Variants in ZNF625 observed in about 807,000 individuals in gnomAD.
The protein encoded by ZNF625 is zinc finger protein 625.
ZNF625 carries 8 observed loss-of-function variants against 11.1 expected under a neutral mutation model. The ratio of observed to expected loss-of-function variants is 0.72; its 90% CI spans 0.42 to 1.30. The LOEUF (loss-of-function observed/expected upper bound fraction) is 1.30. Ranked by LOEUF, ZNF625 falls within the 50% of genes most tolerant of loss-of-function variation. The probability of loss-of-function intolerance (pLI) is 0.01; values close to 1 mark genes in which losing one functional copy is unlikely to be tolerated. For synonymous variants in ZNF625, 145 were observed against 153.4 expected (o/e 0.95, Z 0.41); for missense variants, 349 against 447.6 (o/e 0.78, Z 1.99).
rs1420668974 is a variant in ZNF625 at position 12,145,638 on chromosome 19, T to A, written c.778A>T (p.Thr260Ser). The change falls in exon 4 of 4, where the codon ACA (threonine) becomes TCA (serine). Residue 260 changes from threonine to serine, a missense_variant. Coordinates refer to ENST00000439556, the MANE Select transcript of ZNF625 (RefSeq NM_145233.4). ...GTTATTTTATGTGCATGGAGGCATG[T>A]GGAACTATGGAATGCTTTCCCACAC... ...SECGKAFHSS[T>S]CLHAHKITHT... 6.2e-7 allele frequency: 1 copy of A among 1,613,652 alleles called. No individual in the cohort carries two copies. The highest frequency in any genetic ancestry group is 8.5e-7 in the Non-Finnish European group (1 of 1,179,952).
rs1408040629 is a variant in ZNF625, at chr19:12,145,063, G to A, written c.*234C>T. The A allele has an allele frequency of 1.3e-5, 7 of 527,752 alleles. No individual in the cohort carries two copies. The highest frequency in any genetic ancestry group is 2.0e-5 in the Non-Finnish European group (6 of 298,928). 32.7% of individuals were successfully genotyped at this position (527,752 alleles called of 1,614,324 possible). On this transcript the variant is annotated 3_prime_UTR_variant, in exon 4 of 4. Coordinates refer to ENST00000439556, the MANE Select transcript of ZNF625 (RefSeq NM_145233.4). ...GAACTGTCTTAAGGTCTTACTGGAG[G>A]TGTGTCTCTCTTAAGAGTTATTTCC...
chr19:12,150,876 A>G (rs1976944990), intron 1 of ZNF625, among the ~76,000 whole-genome samples: 1 of 151,660 alleles, frequency 6.6e-6, no homozygotes, highest in African/African-American at 2.4e-5. Context: ...GAGATGGGGG[A>G]CTGTGGATAC....
chr19:12,147,904 C>G, intron 1 of ZNF625, 102 bp from the exon 2 acceptor site: 1 of 1,399,106 alleles, frequency 7.1e-7, no homozygotes, highest in Non-Finnish European at 9.6e-7. Context: ...GGACTCCAAA[C>G]ATTTATTCCA....
At chr19:12,151,032 C>T (rs1976946684) in intron 1 of ZNF625, among the ~76,000 whole-genome samples, 1 of 151,948 alleles carries the variant, frequency 6.6e-6, no homozygotes, top group Non-Finnish European at 1.5e-5. Context: ...TATGTGAGGA[C>T]CAGGTGTAGA....
intron 1 of ZNF625, among the ~76,000 whole-genome samples, chr19:12,151,889 T>C (rs1976961414): frequency 6.6e-6 from 1 of 152,182 alleles, no homozygotes; most frequent in African/African-American, 2.4e-5. Context: ...TTACATACTT[T>C]TTCTCTGTTC....
chr19:12,155,639 G>A (rs149162705), intron 1 of ZNF625, among the ~76,000 whole-genome samples: 129 of 152,220 alleles, frequency 8.5e-4, no homozygotes, highest in Middle Eastern at 3.4e-3. Context: ...GGCTACATGC[G>A]GTTGTTTCCC....
chr19:12,152,704 T>C (rs1976972666), intron 1 of ZNF625, among the ~76,000 whole-genome samples: 1 of 151,816 alleles, frequency 6.6e-6, no homozygotes, highest in African/African-American at 2.4e-5. Flanking sequence ...TAGCTGGGCG[T>C]GGTAGCATGC....
chr19:12,156,336 C>T (rs952025247), intron 1 of ZNF625, among the ~76,000 whole-genome samples: 7 of 152,156 alleles, frequency 4.6e-5, no homozygotes, highest in Admixed American at 6.5e-5. Context: ...GGGCCGGGGT[C>T]GCAGTCGCAG....
At position 12,147,739 on chromosome 19, in the gene ZNF625, G is replaced by C; in HGVS notation, c.67C>G (p.Pro23Ala). The C allele has an allele frequency of 6.2e-7, 1 of 1,614,070 alleles. No homozygotes were observed. Among genetic ancestry groups the C allele is most frequent in the Non-Finnish European group, 8.5e-7 (1 of 1,180,004 alleles). ...TCTCTGTAGAGATTCTTCTGGGAAG[G>C]ATCCAGCAAAGCCCACTCCTCCTGG... ...FTQEEWALLD[P>A]SQKNLYRDVM... is the part of the protein sequence containing the mutation. The change falls in exon 2 of 4, where the codon CCT becomes GCT. Residue 23 changes from proline (P) to alanine (A), a missense_variant. By Grantham distance (27) the Pro-to-Ala change is conservative (BLOSUM62 -1). Transcript: ENST00000439556.
chr19:12,149,217 G>A lies in ZNF625; in HGVS notation c.4-1415C>T, dbSNP rs1432593192. Among the ~76,000 whole-genome samples the A allele has an allele frequency of 3.4e-5, 5 of 149,138 alleles. No individual in the cohort carries two copies. In the South Asian group the frequency reaches 6.4e-4, roughly 19 times the overall value. On this transcript the variant is annotated intron_variant, in intron 1 of 3. Coordinates refer to ENST00000439556, the MANE Select transcript of ZNF625 (RefSeq NM_145233.4). Reference sequence around the variant, plus strand: ...GGAGAATCACTTGAACAAGGGAGTCGGAGGTTGCAGTGAGCTGAGATCTCA... The same window carrying A: ...GGAGAATCACTTGAACAAGGGAGTCAGAGGTTGCAGTGAGCTGAGATCTCA...
At chr19:12,152,130 C>G (rs1216856515) in intron 1 of ZNF625, among the ~76,000 whole-genome samples, 8 of 151,888 alleles carry the variant, frequency 5.3e-5, no homozygotes, top group Non-Finnish European at 1.5e-5. Flanking sequence ...AGGCTAATAC[C>G]GTTTATATGT....
intron 1 of ZNF625, among the ~76,000 whole-genome samples, chr19:12,153,517 T>C (rs1976985693): frequency 6.6e-6 from 1 of 151,614 alleles, no homozygotes; most frequent in South Asian, 2.1e-4. Context: ...AAACCCTGTC[T>C]CTACTAAAAA....
Position 12,156,503 on chromosome 19 carries a change from C to G in ZNF625, c.3+53G>C. 2.2e-6 allele frequency: 3 copies of G among 1,393,122 alleles called. No individual in the cohort carries two copies. The South Asian group carries it at 4.9e-5, about 23-fold the overall frequency. 86.3% of individuals were successfully genotyped at this position (1,393,122 alleles called of 1,614,324 possible). A position where few individuals can be genotyped will look rare whatever the true frequency, so the allele number is the denominator to read the frequency against. On this transcript the variant is annotated intron_variant, in intron 1 of 3. Transcript: ENST00000439556. Reference sequence around the variant, plus strand: ...GGGTCCTGCTAGAGCCGGTTCGAGCCGGTTCCTCCCGGCCCCTCCCCCGTC... The same window carrying G: ...GGGTCCTGCTAGAGCCGGTTCGAGCGGGTTCCTCCCGGCCCCTCCCCCGTC...
intron 1 of ZNF625, 109 bp downstream of exon 1, chr19:12,156,447 C>G (rs1304231166): frequency 1.1e-6 from 1 of 949,518 alleles, no homozygotes; most frequent in Admixed American, 4.0e-5. Context: ...GGACTCCGCT[C>G]TGCAGACCCG....
chr19:12,156,683 C>G lies in ZNF625; in HGVS notation c.-125G>C. ...CTGGTCCCTCTCGGGGCCGGAAAAC[C>G]GAGATCCCGACCTCCCTTTGGTGCA... On this transcript the variant is annotated 5_prime_UTR_variant, in exon 1 of 4. Coordinates refer to ENST00000439556, the MANE Select transcript of ZNF625 (RefSeq NM_145233.4). 1.0e-6 allele frequency: 1 copy of G among 976,248 alleles called. No homozygotes were observed. Among genetic ancestry groups the G allele is most frequent in the Non-Finnish European group, 1.3e-6 (1 of 750,886 alleles). 60.5% of individuals were successfully genotyped at this position (976,248 alleles called of 1,614,324 possible).
chr19:12,147,272 G>A, intron 3 of ZNF625, 123 bp downstream of exon 3: 1 of 942,020 alleles, frequency 1.1e-6, no homozygotes, highest in Non-Finnish European at 1.6e-6. Context: ...CGGCCCTAGA[G>A]AAAATTTTGT....
At chr19:12,150,065 T>C (rs1976934243) in intron 1 of ZNF625, among the ~76,000 whole-genome samples, 1 of 152,144 alleles carries the variant, frequency 6.6e-6, no homozygotes, top group South Asian at 2.1e-4. Flanking sequence ...CACAACAAAG[T>C]TTCCGGTGGT....
intron 3 of ZNF625, among the ~76,000 whole-genome samples, chr19:12,147,005 C>T (rs1035079055): frequency 7.6e-5 from 9 of 117,824 alleles, no homozygotes; most frequent in Non-Finnish European, 1.0e-4. Context: ...CTCGCTCAGT[C>T]GCCCAGGATG....
chr19:12,156,463 G>A, intron 1 of ZNF625, 93 bp downstream of exon 1: 2 of 1,097,964 alleles, frequency 1.8e-6, no homozygotes, highest in Non-Finnish European at 2.4e-6. Context: ...ACCCGAAGTC[G>A]CTGCAGGAAG....
Sources: gnomAD v4.1 joint callset for allele counts (sites outside exome capture counted in the v4.1 genomes callset) on GRCh38, gnomAD v4.1.1 for gene constraint, MANE v1.5 for transcripts, NCBI Gene and HGNC (gene_info 2026-07-23, HGNC 2026-07-21) for gene names.